Variants in LAPTM4B observed in about 807,000 individuals in gnomAD.
LAPTM4B encodes the protein lysosomal protein transmembrane 4 beta.
A neutral mutation model predicts 28.5 loss-of-function variants in LAPTM4B; 26 were observed. The ratio of observed to expected loss-of-function variants is 0.91; its 90% CI spans 0.67 to 1.27. The LOEUF (loss-of-function observed/expected upper bound fraction) is 1.27, where lower values mean the gene tolerates loss of function less well. Ranked by LOEUF, LAPTM4B falls within the 50% of genes most tolerant of loss-of-function variation. The probability of loss-of-function intolerance (pLI) is 0.00; values close to 1 mark genes in which losing one functional copy is unlikely to be tolerated. For synonymous variants in LAPTM4B, 109 were observed against 106.4 expected, an observed-to-expected ratio of 1.02 and a Z score of -0.15; for missense variants, 288 against 285.8, an observed-to-expected ratio of 1.01 and a Z score of -0.06.
At position 97,823,711 on chromosome 8, in the gene LAPTM4B, TTTC is replaced by T. The variant is rs199664832; in HGVS notation, c.508-1346_508-1344del. Among the ~76,000 whole-genome samples the T allele has an allele frequency of 6.5e-3, 662 of 102,542 alleles. 7 individuals are homozygous for T. Among genetic ancestry groups the T allele is most frequent in the African/African-American group, 0.021 (599 of 28,400 alleles). 67.3% of individuals were successfully genotyped at this position (102,542 alleles called of 152,430 possible). On this transcript the variant is annotated intron_variant, in intron 5 of 6. Transcript: ENST00000521545. ...ATTATTTATTTAGTTTTTTTTTTTTTTTCGGAGATGGAGTCTCGCTCTGTCACC... is the reference window on the plus strand; with the variant it reads ...ATTATTTATTTAGTTTTTTTTTTTTTGGAGATGGAGTCTCGCTCTGTCACC...
chr8:97,797,496 A>G (rs1816609531), intron 1 of LAPTM4B, among the ~76,000 whole-genome samples: 1 of 152,202 alleles, frequency 6.6e-6, no homozygotes, highest in South Asian at 2.1e-4. Context: ...TTTTCTTGTC[A>G]TTAACATTTT....
At chr8:97,780,471 G>A (rs1304292896) in intron 1 of LAPTM4B, among the ~76,000 whole-genome samples, 2 of 151,930 alleles carry the variant, frequency 1.3e-5, no homozygotes, top group Non-Finnish European at 2.9e-5. Flanking sequence ...CCACAATAAG[G>A]GCTCATTTAA....
intron 1 of LAPTM4B, among the ~76,000 whole-genome samples, chr8:97,781,466 C>T (rs543582184): frequency 3.4e-5 from 5 of 148,940 alleles, no homozygotes; most frequent in African/African-American, 7.5e-5. Flanking sequence ...CTAGTAGAGA[C>T]AGGGTTTCAT....
In LAPTM4B at chr8:97,817,445, C is replaced by CTTTTTT. The variant is rs753483537; in HGVS notation, c.408+1280_408+1285dup. On this transcript the variant is annotated intron_variant, in intron 4 of 6. Coordinates refer to ENST00000521545, the MANE Select transcript of LAPTM4B (RefSeq NM_018407.6). The stretch of plus-strand genomic sequence containing the variant: ...GACTCACTGTACCAGGCCAACTTTA[C>CTTTTTT]TTTTTTTTTTTTTTTTTTTTGAGAC... Among the ~76,000 whole-genome samples the CTTTTTT allele has an allele frequency of 1.6e-4, 14 of 89,002 alleles. 2 individuals carry two copies. The highest frequency in any genetic ancestry group is 2.0e-4 in the Non-Finnish European group (9 of 43,986). 58.4% of individuals were successfully genotyped at this position (89,002 alleles called of 152,430 possible). A position where few individuals can be genotyped will look rare whatever the true frequency, so the allele number is the denominator to read the frequency against.
chr8:97,842,414 T>G (rs1312662143), intron 6 of LAPTM4B, among the ~76,000 whole-genome samples: 1 of 152,222 alleles, frequency 6.6e-6, no homozygotes, highest in Non-Finnish European at 1.5e-5. Flanking sequence ...CATTCCAGAT[T>G]GTTCAGTAGC....
intron 1 of LAPTM4B, among the ~76,000 whole-genome samples, chr8:97,781,178 C>G (rs556891564): frequency 1.3e-5 from 2 of 150,614 alleles, no homozygotes; most frequent in South Asian, 4.2e-4. Context: ...ATGGGGTTTC[C>G]CCATGTTGTT....
intron 1 of LAPTM4B, among the ~76,000 whole-genome samples, chr8:97,795,837 T>TAAAAA (rs1190473113): frequency 1.8e-5 from 2 of 114,132 alleles, no homozygotes; most frequent in East Asian, 2.9e-4. Flanking sequence ...ACTCTGTCTT[T>TAAAAA]AAAAAAAAAA....
At chr8:97,817,140 CTT>C (rs1271249574) in intron 4 of LAPTM4B, among the ~76,000 whole-genome samples, 1 of 151,932 alleles carries the variant, frequency 6.6e-6, no homozygotes, top group Non-Finnish European at 1.5e-5. Context: ...GTTGGAATAA[CTT>C]TATTTATTTT....
At chr8:97,802,299 G>A (rs904740168) in intron 1 of LAPTM4B, among the ~76,000 whole-genome samples, 2 of 152,162 alleles carry the variant, frequency 1.3e-5, no homozygotes, top group Non-Finnish European at 2.9e-5. Context: ...ACAAGGGGTG[G>A]ATTATTCATG....
chr8:97,815,485 C>T, intron 3 of LAPTM4B, 84 bp downstream of exon 3: 1 of 939,594 alleles, frequency 1.1e-6, no homozygotes, highest in South Asian at 1.4e-5. Flanking sequence ...TGAGAAGTGA[C>T]TTTCCAGTTT....
intron 6 of LAPTM4B, among the ~76,000 whole-genome samples, chr8:97,847,167 G>A (rs1289563341): frequency 1.3e-5 from 2 of 152,232 alleles, no homozygotes; most frequent in African/African-American, 2.4e-5. Flanking sequence ...TCATTAGCAA[G>A]AGGGATTTTT....
intron 6 of LAPTM4B, among the ~76,000 whole-genome samples, chr8:97,832,452 GC>G (rs751998268): frequency 2.6e-5 from 4 of 152,044 alleles, no homozygotes; most frequent in Non-Finnish European, 5.9e-5. Flanking sequence ...GTAACAACTT[GC>G]CATTTTTAAG....
At chr8:97,824,565 T>C (rs184903788) in intron 5 of LAPTM4B, among the ~76,000 whole-genome samples, 35 of 152,334 alleles carry the variant, frequency 2.3e-4, no homozygotes, top group Non-Finnish European at 4.4e-4. Flanking sequence ...TAGTGAATTT[T>C]ATTGACTGTG....
At chr8:97,804,396 T>G (rs963985388) in intron 1 of LAPTM4B, among the ~76,000 whole-genome samples, 8 of 152,202 alleles carry the variant, frequency 5.3e-5, no homozygotes, top group Admixed American at 5.2e-4. Flanking sequence ...AGGATAAAGA[T>G]GGTAAACTCA....
Position 97,775,902 on chromosome 8 carries a change from G to C in LAPTM4B, c.-108G>C. 1 of 1,459,294 alleles carries C rather than the reference G, an allele frequency of 6.9e-7. No homozygotes were observed. The highest frequency in any genetic ancestry group is 3.0e-5 in the East Asian group (1 of 33,650). The allele number at this position is 1,459,294 out of a possible 1,614,324, so 90.4% of individuals were successfully genotyped here. On this transcript the variant is annotated 5_prime_UTR_variant, in exon 1 of 7. Transcript: ENST00000521545. ...GCGGGCGCACGGGCGAGCGGGCCGG[G>C]AGCCGGAGCGGCGGAGGAGCCGGCA...
intron 5 of LAPTM4B, 128 bp downstream of exon 5, chr8:97,819,366 G>T: frequency 1.6e-6 from 1 of 606,322 alleles, no homozygotes; most frequent in Non-Finnish European, 2.9e-6. Context: ...GATTTCCTAA[G>T]ATTACAATTC....
chr8:97,793,845 C>T (rs890055148), intron 1 of LAPTM4B, among the ~76,000 whole-genome samples: 8 of 152,228 alleles, frequency 5.3e-5, no homozygotes, highest in East Asian at 1.9e-4. Flanking sequence ...CTTGCTCTGT[C>T]GCCCAGGCTG....
intron 6 of LAPTM4B, among the ~76,000 whole-genome samples, chr8:97,834,547 T>TTG (rs10557729): frequency 2.6e-4 from 39 of 150,600 alleles, no homozygotes; most frequent in Admixed American, 8.6e-4. Flanking sequence ...ATGTCCCTGG[T>TTG]TGTGTGTGTG....
chr8:97,784,929 C>T (rs1401450043), intron 1 of LAPTM4B, among the ~76,000 whole-genome samples: 1 of 152,116 alleles, frequency 6.6e-6, no homozygotes, highest in Admixed American at 6.6e-5. Flanking sequence ...CCTAGGTTTT[C>T]TCCATCTGAT....
Sources: allele counts gnomAD v4.1 joint callset (sites outside exome capture counted in the v4.1 genomes callset), GRCh38; gene constraint gnomAD v4.1.1; transcripts MANE v1.5; gene names NCBI Gene and HGNC (gene_info 2026-07-23, HGNC 2026-07-21).